PPM1L: variants seen among roughly 807,000 people sequenced by gnomAD.
The protein encoded by PPM1L is protein phosphatase 1L.
In PPM1L, 13 loss-of-function variants were observed where a neutral mutation model predicts 31.4. That is an observed-to-expected ratio of 0.41 (90% confidence interval 0.27 to 0.66). PPM1L has a LOEUF of 0.66. Ranked by LOEUF, PPM1L falls within the 30% of genes least tolerant of loss-of-function variation. The pLI, the probability that PPM1L is intolerant of heterozygous loss-of-function variation, is 0.29. For missense variants in PPM1L, 326 were observed against 453.7 expected (o/e 0.72, Z 2.56); for synonymous variants, 184 against 175.4 (o/e 1.05, Z -0.39).
rs1306709505 is a variant in PPM1L at position 161,038,230 on chromosome 3, T to C, written c.575-27173T>C. Among the ~76,000 whole-genome samples, 28 of 63,192 alleles carry C rather than the reference T, an allele frequency of 4.4e-4. No homozygotes were observed. In the East Asian group the frequency reaches 0.022, roughly 49 times the overall value. The allele number at this position is 63,192 out of a possible 152,430, so 41.5% of individuals were successfully genotyped here. A position where few individuals can be genotyped will look rare whatever the true frequency, so the allele number is the denominator to read the frequency against. ...GCCTGGGCGACAGAGCGAGACTCCG[T>C]CTCAAAAAAAAAAAAAAAAAAATGT... On this transcript the variant is annotated intron_variant, in intron 2 of 3. Coordinates refer to ENST00000498165, the MANE Select transcript of PPM1L (RefSeq NM_139245.4).
intron 1 of PPM1L, among the ~76,000 whole-genome samples, chr3:160,868,156 A>T (rs1712160102): frequency 6.6e-6 from 1 of 152,212 alleles, no homozygotes; most frequent in Admixed American, 6.5e-5. Context: ...ATATGCGTCA[A>T]ACTGAGCACT....
At chr3:160,814,043 T>C (rs1181461669) in intron 1 of PPM1L, among the ~76,000 whole-genome samples, 8 of 152,206 alleles carry the variant, frequency 5.3e-5, no homozygotes, top group Non-Finnish European at 8.8e-5. Context: ...GTTTTATCTT[T>C]TAAAAACTGC....
At chr3:160,878,885 A>G (rs190837618) in intron 1 of PPM1L, among the ~76,000 whole-genome samples, 37 of 152,310 alleles carry the variant, frequency 2.4e-4, no homozygotes, top group African/African-American at 8.4e-4. Context: ...ATCTGAACAC[A>G]TTTCATTTAT....
intron 1 of PPM1L, among the ~76,000 whole-genome samples, chr3:160,765,778 T>G (rs925700740): frequency 3.9e-5 from 6 of 152,228 alleles, no homozygotes; most frequent in Non-Finnish European, 4.4e-5. Context: ...TGTAGGAGTG[T>G]GGATGTGTTT....
At chr3:161,010,287 A>G (rs1717849087) in intron 2 of PPM1L, among the ~76,000 whole-genome samples, 1 of 152,128 alleles carries the variant, frequency 6.6e-6, no homozygotes, top group Non-Finnish European at 1.5e-5. Flanking sequence ...TTTGCTGAGA[A>G]TGATGGTTTC....
intron 1 of PPM1L, among the ~76,000 whole-genome samples, chr3:160,847,889 C>T (rs958917649): frequency 2.6e-5 from 4 of 152,146 alleles, no homozygotes; most frequent in African/African-American, 7.2e-5. Context: ...CCTCGGGTCT[C>T]AGCTGTGAAA....
intron 2 of PPM1L, among the ~76,000 whole-genome samples, chr3:161,014,580 T>A (rs1474279990): frequency 6.6e-6 from 1 of 151,960 alleles, no homozygotes; most frequent in Non-Finnish European, 1.5e-5. Context: ...GTTCAAGCGA[T>A]TCTCCTGCCT....
intron 1 of PPM1L, among the ~76,000 whole-genome samples, chr3:160,875,162 A>C (rs935248125): frequency 1.3e-5 from 2 of 152,210 alleles, no homozygotes; most frequent in Non-Finnish European, 2.9e-5. Flanking sequence ...CCTAAATTCT[A>C]ATCTCTAGCA....
intron 1 of PPM1L, among the ~76,000 whole-genome samples, chr3:160,810,649 C>G (rs1277212869): frequency 6.6e-6 from 1 of 152,172 alleles, no homozygotes; most frequent in African/African-American, 2.4e-5. Flanking sequence ...AGCCAACTGA[C>G]AGGGCACATA....
At chr3:160,826,701 A>C (rs878958210) in intron 1 of PPM1L, among the ~76,000 whole-genome samples, 1 of 152,166 alleles carries the variant, frequency 6.6e-6, no homozygotes, top group South Asian at 2.1e-4. Context: ...TAAAAGTACT[A>C]TCTTTAAAAG....
chr3:160,962,997 C>T (rs867587482), intron 2 of PPM1L, among the ~76,000 whole-genome samples: 1 of 151,350 alleles, frequency 6.6e-6, no homozygotes, highest in African/African-American at 2.4e-5. Context: ...TTTCCAGACA[C>T]ATTGGCTTTC....
chr3:161,055,411 A>G (rs1719385216), intron 2 of PPM1L, among the ~76,000 whole-genome samples: 1 of 152,042 alleles, frequency 6.6e-6, no homozygotes. Context: ...ACCTCTGCTG[A>G]CAGTGATCTT....
chr3:160,843,549 G>A (rs1450737372), intron 1 of PPM1L, among the ~76,000 whole-genome samples: 2 of 147,800 alleles, frequency 1.4e-5, no homozygotes, highest in Non-Finnish European at 3.0e-5. Context: ...CATGTGCCAT[G>A]TTGGTGTGCT....
chr3:160,827,151 G>A (rs1241817571), intron 1 of PPM1L, among the ~76,000 whole-genome samples: 1 of 152,056 alleles, frequency 6.6e-6, no homozygotes, highest in African/African-American at 2.4e-5. Flanking sequence ...AAGCAGGATA[G>A]CCCACTCTCT....
At position 160,961,861 on chromosome 3, in the gene PPM1L, A is replaced by G. The variant is rs756781085; in HGVS notation, c.525A>G (p.Ser175=). The change falls in exon 2 of 4, where the codon TCA becomes TCG. Residue 175 remains serine (S), a synonymous_variant. Transcript: ENST00000498165. ...CCATCCTTGAACAGCAGATTTTGTC[A>G]ATTGACCGAGAAATGCTAGAAAAAT... ...YQTILEQQIL[S]IDREMLEKLT... The G allele has an allele frequency of 6.0e-5, 95 of 1,595,748 alleles. No homozygotes were observed. The highest frequency in any genetic ancestry group is 7.2e-5 in the Non-Finnish European group (85 of 1,172,486).
Position 160,756,778 on chromosome 3 carries a change from TGTG to T in PPM1L, c.399+72_399+74del. On this transcript the variant is annotated intron_variant, in intron 1 of 3. Coordinates refer to ENST00000498165, the MANE Select transcript of PPM1L (RefSeq NM_139245.4). The surrounding 1 kb of genome is among the most constrained non-coding windows in gnomAD (Gnocchi z 6.2). ...GTGTGTGTGTGTGTGTGTGTGTGTG[TGTG>T]TGTGTGTGTATAAACAACAGGACAG... 7.0e-7 allele frequency: 1 copy of T among 1,420,744 alleles called. No homozygotes were observed. Among genetic ancestry groups the T allele is most frequent in the South Asian group, 1.3e-5 (1 of 75,484 alleles). The allele number at this position is 1,420,744 out of a possible 1,614,324, so 88.0% of individuals were successfully genotyped here. A position where few individuals can be genotyped will look rare whatever the true frequency, so the allele number is the denominator to read the frequency against.
At chr3:160,898,856 T>C in intron 1 of PPM1L, among the ~76,000 whole-genome samples, 1 of 152,172 alleles carries the variant, frequency 6.6e-6, no homozygotes, top group Non-Finnish European at 1.5e-5. Flanking sequence ...GAATTACAGA[T>C]GTGGAGAAGG....
chr3:160,944,246 A>C (rs1715252095), intron 1 of PPM1L, among the ~76,000 whole-genome samples: 1 of 151,986 alleles, frequency 6.6e-6, no homozygotes, highest in South Asian at 2.1e-4. Context: ...CTTAATTCAA[A>C]TTTTACATGT....
chr3:161,012,882 A>G (rs1042463414), intron 2 of PPM1L, among the ~76,000 whole-genome samples: 2 of 151,730 alleles, frequency 1.3e-5, no homozygotes, highest in African/African-American at 4.8e-5. Flanking sequence ...ATCATTTTTT[A>G]TTGCATCTAT....
Sources: gnomAD v4.1 joint callset for allele counts (sites outside exome capture counted in the v4.1 genomes callset) on GRCh38, gnomAD v4.1.1 for gene constraint, Gnocchi (gnomAD v3.1) non-coding constraint, MANE v1.5 for transcripts, NCBI Gene and HGNC (gene_info 2026-07-23, HGNC 2026-07-21) for gene names.